The following PSG1 variants were observed in gnomAD, a reference collection of about 807,000 sequenced individuals.
The protein encoded by PSG1 is pregnancy-specific beta-1-glycoprotein 1.
Under a neutral mutation model 41.4 loss-of-function variants are expected in PSG1, and 60 were observed. That is an observed-to-expected ratio of 1.45 (90% CI 1.18 to 1.80). The LOEUF is 1.80. Among genes scored for constraint, PSG1 ranks in the 40% most tolerant of loss-of-function variants. The pLI is 0.00. For missense variants in PSG1, 806 were observed against 516.9 expected, an observed-to-expected ratio of 1.56 and a Z score of -5.42; for synonymous variants, 256 against 192.9, an observed-to-expected ratio of 1.33 and a Z score of -2.71.
At chr19:42,870,399 T>G (rs1202085568) in intron 3 of PSG1, 2 of 151,636 alleles carry the variant, frequency 1.3e-5, no homozygotes, top group Non-Finnish European at 2.9e-5. Context: ...TGCCCTTTTT[T>G]TTCTCTCACC....
rs1297529025 is a variant in PSG1, at chr19:42,868,252, A to T, written c.1092T>A (p.Tyr364Ter). 6.2e-7 allele frequency: 1 copy of T among 1,612,364 alleles called. No individual in the cohort carries two copies. The highest frequency in any genetic ancestry group is 8.5e-7 in the Non-Finnish European group (1 of 1,179,168). Residue 364 changes from tyrosine (Y) to a stop codon, truncating the protein, a stop_gained, in exon 5 of 6, where the codon TAT (tyrosine) becomes TAA (stop). Transcript: ENST00000436291. LOFTEE classifies it high-confidence loss of function. ...CSADSNPPAQYSWTINEKFQL... is the reference protein window; with the variant it reads ...CSADSNPPAQ ...GAAACTTTTCATTAATTGTCCAAGA[A>T]TACTGTGCCGGTGGGTTAGAGTCCG...
Position 42,867,887 on chromosome 19 carries a change from T to C in PSG1, c.1243+214A>G, listed in dbSNP as rs558591434. On this transcript the variant is annotated intron_variant, in intron 5 of 5. Coordinates refer to ENST00000436291, the MANE Select transcript of PSG1 (RefSeq NM_001184825.2). ...TCAATGAAATCAATGTTCTTCCTGC[T>C]TGGTCTAGGCTGGGAATATTATGAA... 7.1e-6 allele frequency: 10 copies of C among 1,412,466 alleles called. No homozygotes were observed. In the Admixed American group the frequency reaches 1.4e-4, roughly 20 times the overall value. The allele number at this position is 1,412,466 out of a possible 1,614,324, so 87.5% of individuals were successfully genotyped here.
chr19:42,872,112 A>T, intron 2 of PSG1, 67 bp from the exon 3 acceptor site: 1 of 1,558,174 alleles, frequency 6.4e-7, no homozygotes, highest in Non-Finnish European at 8.7e-7. Flanking sequence ...GCATTTTTCA[A>T]TCAGAATTGG....
Position 42,879,524 on chromosome 19 carries a change from G to C in PSG1, c.58C>G (p.Leu20Val), listed in dbSNP as rs775034476. The C allele has an allele frequency of 1.7e-5, 28 of 1,610,298 alleles. No individual in the cohort carries two copies. The highest frequency in any genetic ancestry group is 5.5e-5 in the South Asian group (5 of 90,758). ...CAGGAAGTTCTCTCCTCACCTGTGA[G>C]CAGGAGCCCCTTCCATTTGATGCGC... ...TQRIKWKGLL[L>V]TASLLNFWNL... Residue 20 changes from leucine to valine, a missense_variant, in exon 1 of 6, where the codon CTC becomes GTC. Transcript: ENST00000436291.
At chr19:42,868,056 A>G (rs758638574) in intron 5 of PSG1, 45 bp downstream of exon 5, 2 of 1,611,860 alleles carry the variant, frequency 1.2e-6, no homozygotes, top group Non-Finnish European at 1.7e-6. Context: ...TGCCAGATAG[A>G]CTCCACCTAA....
In PSG1 at chr19:42,867,156, G is replaced by A. The variant is rs1341026669; in HGVS notation, c.1244-6C>T. 1.3e-6 allele frequency: 1 copy of A among 767,924 alleles called. No homozygotes were observed. The highest frequency in any genetic ancestry group is 2.4e-6 in the Non-Finnish European group (1 of 417,452). The allele number at this position is 767,924 out of a possible 1,614,324, so 47.6% of individuals were successfully genotyped here. ...AATTCAGGGAACTGTCCAGTCTACA[G>A]GTGGATAATAAAAACACAGAAACAA... On this transcript the variant is annotated splice_region_variant and splice_polypyrimidine_tract_variant and intron_variant, in intron 5 of 5. Transcript: ENST00000436291.
At chr19:42,876,977 A>T (rs1454565413) in intron 2 of PSG1, among the ~76,000 whole-genome samples, 4 of 151,516 alleles carry the variant, frequency 2.6e-5, no homozygotes, top group African/African-American at 9.7e-5. Context: ...TTGCTCAGTC[A>T]CTGTGCCTTC....
intron 2 of PSG1, among the ~76,000 whole-genome samples, chr19:42,876,056 T>C (rs554429389): frequency 1.3e-5 from 2 of 151,434 alleles, no homozygotes; most frequent in Admixed American, 6.6e-5. Flanking sequence ...GTGCCTTTCC[T>C]CTTTCCTGGG....
chr19:42,869,168 T>C (rs1189392576), intron 3 of PSG1, 134 bp from the exon 4 acceptor site: 5 of 1,511,464 alleles, frequency 3.3e-6, no homozygotes, highest in Non-Finnish European at 4.4e-6. Flanking sequence ...GGTGCTTTTG[T>C]CACAAGATAG....
intron 3 of PSG1, among the ~76,000 whole-genome samples, chr19:42,870,866 G>A (rs1276325895): frequency 2.6e-5 from 4 of 151,672 alleles, no homozygotes; most frequent in Non-Finnish European, 5.9e-5. Context: ...TGATGTTAAT[G>A]TGAATTGAAA....
At chr19:42,871,297 C>G (rs552442558) in intron 3 of PSG1, among the ~76,000 whole-genome samples, 18 of 151,734 alleles carry the variant, frequency 1.2e-4, no homozygotes, top group Non-Finnish European at 2.4e-4. Flanking sequence ...GGCAGGAGAG[C>G]TTGGGGACTT....
rs761770610 is a variant in PSG1, at chr19:42,879,565, G to T, written c.17C>A (p.Ala6Asp). Residue 6 changes from alanine to aspartate, a missense_variant, in exon 1 of 6, where the codon GCC becomes GAC. Physicochemically the swap from Ala to Asp is moderately radical, Grantham distance 126 (BLOSUM62 -2). Transcript: ENST00000436291. MGTLS[A>D]PPCTQRIKWK... Reference sequence around the variant, plus strand: ...TTTGATGCGCTGTGTGCAGGGAGGGGCTGAGAGGGTTCCCATGGTCTCTGC... The same window carrying T: ...TTTGATGCGCTGTGTGCAGGGAGGGTCTGAGAGGGTTCCCATGGTCTCTGC... The T allele has an allele frequency of 1.2e-6, 2 of 1,610,704 alleles. No individual in the cohort carries two copies. Among genetic ancestry groups the T allele is most frequent in the Non-Finnish European group, 1.7e-6 (2 of 1,178,290 alleles).
chr19:42,868,366 G>A lies in PSG1; in HGVS notation c.989-11C>T, dbSNP rs371041633. 20 of 1,602,018 alleles carry A rather than the reference G, an allele frequency of 1.2e-5. No homozygotes were observed. Among genetic ancestry groups the A allele is most frequent in the Non-Finnish European group, 1.5e-5 (18 of 1,172,536 alleles). ...GGAGGTCTGGACCATCTGGAGCAAA[G>A]AGAATAAAGCCACAGGTGATGTCAT... On this transcript the variant is annotated splice_polypyrimidine_tract_variant and intron_variant, in intron 4 of 5. Coordinates refer to ENST00000436291, the MANE Select transcript of PSG1 (RefSeq NM_001184825.2).
At position 42,878,242 on chromosome 19, in the gene PSG1, G is replaced by A; in HGVS notation, c.101C>T (p.Ala34Val). 3 of 1,610,092 alleles carry A rather than the reference G, an allele frequency of 1.9e-6. No homozygotes were observed. The highest frequency in any genetic ancestry group is 2.5e-6 in the Non-Finnish European group (3 of 1,178,382). ...TGGCTCGGCTTCAATCGTGACTTGG[G>A]CAGTGGTGGGCAGGTTCCAGAAGTT... Reference protein sequence around the residue: ...LLNFWNLPTTAQVTIEAEPTK... With the variant: ...LLNFWNLPTTVQVTIEAEPTK... The change falls in exon 2 of 6, where the codon GCC becomes GTC. Residue 34 changes from alanine (A) to valine (V), a missense_variant. Physicochemically the swap from Ala to Val is moderately conservative, Grantham distance 64. Transcript: ENST00000436291.
In PSG1 at chr19:42,866,576, C is replaced by G; in HGVS notation, c.*558G>C. The G allele has an allele frequency of 5.2e-6, 1 of 192,716 alleles. No individual in the cohort carries two copies. Among genetic ancestry groups the G allele is most frequent in the Admixed American group, 5.4e-5 (1 of 18,666 alleles). The allele number at this position is 192,716 out of a possible 1,614,324, so 11.9% of individuals were successfully genotyped here. A position where few individuals can be genotyped will look rare whatever the true frequency, so the allele number is the denominator to read the frequency against. Reference sequence around the variant, plus strand: ...CCACACAATGTGGATTTAAAGGGGACTCTATTATAATTTCAGCTTTCCTAC... The same window carrying G: ...CCACACAATGTGGATTTAAAGGGGAGTCTATTATAATTTCAGCTTTCCTAC... On this transcript the variant is annotated 3_prime_UTR_variant, in exon 6 of 6. Coordinates refer to ENST00000436291, the MANE Select transcript of PSG1 (RefSeq NM_001184825.2).
intron 2 of PSG1, 52 bp from the exon 3 acceptor site, chr19:42,872,097 C>T (rs772152468): frequency 6.4e-7 from 1 of 1,572,776 alleles, no homozygotes; most frequent in African/African-American, 1.4e-5. Flanking sequence ...TTGATTCCTC[C>T]AAAGGCATTT....
intron 3 of PSG1, 100 bp downstream of exon 3, chr19:42,871,667 A>T: frequency 6.2e-7 from 1 of 1,610,868 alleles, no homozygotes; most frequent in East Asian, 2.2e-5. Context: ...CCAGGGGTAA[A>T]GGTCTCTGTA....
intron 2 of PSG1, among the ~76,000 whole-genome samples, chr19:42,874,391 G>A (rs569201944): frequency 6.0e-5 from 9 of 151,186 alleles, no homozygotes; most frequent in Admixed American, 1.3e-4. Context: ...CTGTCACCCC[G>A]GCTGCAGTGC....
At position 42,879,634 on chromosome 19, in the gene PSG1, A is replaced by G. The variant is rs551577895; in HGVS notation, c.-53T>C. On this transcript the variant is annotated 5_prime_UTR_variant, in exon 1 of 6. Coordinates refer to ENST00000436291, the MANE Select transcript of PSG1 (RefSeq NM_001184825.2). ...TGTGGAGATAAGCCTAGGATCCAGA[A>G]ACTCTCTGAGCACGGCTGTCAGCTG... is the stretch of plus-strand genomic sequence containing the variant. 3.0e-4 allele frequency: 478 copies of G among 1,601,816 alleles called. 15 individuals are homozygous for G. The South Asian group carries it at 5.1e-3, about 17-fold the overall frequency.
Sources: allele counts gnomAD v4.1 joint callset (sites outside exome capture counted in the v4.1 genomes callset), GRCh38; gene constraint gnomAD v4.1.1; transcripts MANE v1.5; gene names NCBI Gene and HGNC (gene_info 2026-07-23, HGNC 2026-07-21).